Variants in MAP3K12 observed in about 807,000 individuals in gnomAD.
MAP3K12 encodes the protein MAPK-upstream kinase.
In MAP3K12, 14 loss-of-function variants were observed where a neutral mutation model predicts 87.5. The observed-to-expected ratio is 0.16, with a 90% confidence interval of 0.11 to 0.25. The LOEUF (loss-of-function observed/expected upper bound fraction) is 0.25. MAP3K12 is among the 10% of genes least tolerant of loss of function. The pLI, the probability that MAP3K12 is intolerant of heterozygous loss-of-function variation, is 1.00. For synonymous variants in MAP3K12, 469 were observed against 452.5 expected, an observed-to-expected ratio of 1.04 and a Z score of -0.46; for missense variants, 802 against 1,140.4, an observed-to-expected ratio of 0.70 and a Z score of 4.27.
rs777368317 is a variant in MAP3K12 at position 53,483,099 on chromosome 12, G to A, written c.1704C>T (p.Pro568=). ...VGLPGCPKGP[P]SPGRSRRGKT... is the part of the protein sequence containing the mutation. ...TGCCACGGCGACTCCGTCCTGGTGA[G>A]GGGGGGCCCTTAGGACACCCAGGAA... The change falls in exon 11 of 14, where the codon CCC becomes CCT. Residue 568 remains proline (P), a synonymous_variant. Transcript: ENST00000547488. 5.2e-6 allele frequency: 8 copies of A among 1,527,334 alleles called. No homozygotes were observed. The highest frequency in any genetic ancestry group is 4.5e-5 in the East Asian group (2 of 44,216). 94.6% of individuals were successfully genotyped at this position (1,527,334 alleles called of 1,614,324 possible). A position where few individuals can be genotyped will look rare whatever the true frequency, so the allele number is the denominator to read the frequency against.
At chr12:53,498,908 CTGTGTGTGTGTGTGTG>C (rs71068135) in intron 1 of MAP3K12, among the ~76,000 whole-genome samples, 27 of 108,396 alleles carry the variant, frequency 2.5e-4, no homozygotes, top group African/African-American at 7.1e-4. Flanking sequence ...GTCCAGCCTG[CTGTGTGTGTGTGTGTG>C]TGTGTGTGTG....
chr12:53,482,688 A>G lies in MAP3K12; in HGVS notation c.2115T>C (p.Gly705=), dbSNP rs1433652046. ...KGEPPPPVGP[G]EGVGLLGTGR... is the part of the protein sequence containing the mutation. ...CAGTTCCCAGAAGCCCCACACCTTC[A>G]CCAGGCCCTACTGGAGGAGGTGGTT... The change falls in exon 11 of 14, where the codon GGT becomes GGC. Residue 705 remains glycine (G), a synonymous_variant. Coordinates refer to ENST00000547488, the MANE Select transcript of MAP3K12 (RefSeq NM_001193511.2). The G allele has an allele frequency of 6.2e-7, 1 of 1,613,756 alleles. No individual in the cohort carries two copies. Among genetic ancestry groups the G allele is most frequent in the Non-Finnish European group, 8.5e-7 (1 of 1,179,932 alleles).
In MAP3K12 at chr12:53,491,625, G is replaced by A. The variant is rs894819217; in HGVS notation, c.-37-4197C>T. Among the ~76,000 whole-genome samples, 4 of 151,516 alleles carry A rather than the reference G, an allele frequency of 2.6e-5. No homozygotes were observed. The East Asian group carries it at 6.0e-4, about 23-fold the overall frequency. ...ATTTTTTCTGTGTTTAGTAGAGACCGGGTTTCACCGTGTTAGCCAGGATAG... is the reference window on the plus strand; with the variant it reads ...ATTTTTTCTGTGTTTAGTAGAGACCAGGTTTCACCGTGTTAGCCAGGATAG... On this transcript the variant is annotated intron_variant, in intron 1 of 13. Transcript: ENST00000547488.
At chr12:53,491,529 G>T (rs749848568) in intron 1 of MAP3K12, among the ~76,000 whole-genome samples, 9 of 149,982 alleles carry the variant, frequency 6.0e-5, no homozygotes, top group Non-Finnish European at 3.0e-5. Context: ...TGCCTTCCGG[G>T]TTCACACCAT....
chr12:53,486,742 G>T lies in MAP3K12; in HGVS notation c.446-120C>A. The T allele has an allele frequency of 6.9e-7, 1 of 1,453,408 alleles. No homozygotes were observed. The highest frequency in any genetic ancestry group is 1.4e-5 in the African/African-American group (1 of 70,142). 90.0% of individuals were successfully genotyped at this position (1,453,408 alleles called of 1,614,324 possible). A position where few individuals can be genotyped will look rare whatever the true frequency, so the allele number is the denominator to read the frequency against. On this transcript the variant is annotated intron_variant, in intron 2 of 13. Coordinates refer to ENST00000547488, the MANE Select transcript of MAP3K12 (RefSeq NM_001193511.2). This position sits in a 1 kb window ranked among gnomAD's most constrained non-coding sequence, Gnocchi z 4.9. Reference sequence around the variant, plus strand: ...AGGGTGAGGCAGAAAGCCAAAAATAGGCCAAGAAGAAGGTTCGAGGGGACA... The same window carrying T: ...AGGGTGAGGCAGAAAGCCAAAAATATGCCAAGAAGAAGGTTCGAGGGGACA...
At chr12:53,483,300 A>C in intron 10 of MAP3K12, 49 bp downstream of exon 10, 1 of 1,598,726 alleles carries the variant, frequency 6.3e-7, no homozygotes, top group Non-Finnish European at 8.5e-7. Flanking sequence ...ACCTGTTGCC[A>C]CTTCAGTATC....
At chr12:53,490,541 C>T (rs1476269921) in intron 1 of MAP3K12, among the ~76,000 whole-genome samples, 4 of 151,986 alleles carry the variant, frequency 2.6e-5, no homozygotes, top group East Asian at 1.9e-4. Flanking sequence ...GTCAGGAGAT[C>T]GAGACCATGC....
chr12:53,482,861 ACAG>A lies in MAP3K12; in HGVS notation c.1939_1941del (p.Leu647del). The A allele has an allele frequency of 3.7e-6, 6 of 1,612,872 alleles. No individual in the cohort carries two copies. The highest frequency in any genetic ancestry group is 5.1e-6 in the Non-Finnish European group (6 of 1,179,542). ...CGGCCCCGGGACCCTAGTGCTGCTG[ACAG>A]CAGGTCTGGGGACGATGAAGACATT... On this transcript the variant is annotated inframe_deletion, in exon 11 of 14. Transcript: ENST00000547488.
intron 1 of MAP3K12, chr12:53,487,777 A>G (rs1487411764): frequency 1.1e-5 from 2 of 188,834 alleles, no homozygotes; most frequent in Non-Finnish European, 2.2e-5. Flanking sequence ...TCCCTGTAAG[A>G]TGACTAATTC....
In MAP3K12 at chr12:53,485,105, C is replaced by T. The variant is rs1208561631; in HGVS notation, c.1090G>A (p.Val364Met). Reference protein sequence around the residue: ...GVGSNSLHLPVPSSCPDGFKI... With the variant: ...GVGSNSLHLPMPSSCPDGFKI... ...AAACCATCTGGGCAACTGGAGGGCA[C>T]GGGCAGATGGAGACTGTTGCTTCCC... Residue 364 changes from valine (V) to methionine (M), a missense_variant, in exon 6 of 14, where the codon GTG becomes ATG. By Grantham distance (21) the Val-to-Met change is conservative. Coordinates refer to ENST00000547488, the MANE Select transcript of MAP3K12 (RefSeq NM_001193511.2). 2 of 1,614,162 alleles carry T rather than the reference C, an allele frequency of 1.2e-6. No individual in the cohort carries two copies. The highest frequency in any genetic ancestry group is 1.7e-5 in the Admixed American group (1 of 60,008).
At position 53,480,857 on chromosome 12, in the gene MAP3K12, C is replaced by G. The variant is rs1032124981; in HGVS notation, c.*325G>C. On this transcript the variant is annotated 3_prime_UTR_variant, in exon 14 of 14. Transcript: ENST00000547488. ...CCCTCCCACCGCCCCTCCCCCCACC[C>G]CCTATTATTTGGGGATAAAGAATAT... 3 of 152,224 alleles carry G rather than the reference C, an allele frequency of 2.0e-5. No individual in the cohort carries two copies. The highest frequency in any genetic ancestry group is 7.3e-5 in the African/African-American group (3 of 41,356). The allele number at this position is 152,224 out of a possible 1,614,324, so 9.4% of individuals were successfully genotyped here. A position where few individuals can be genotyped will look rare whatever the true frequency, so the allele number is the denominator to read the frequency against.
chr12:53,501,102 C>G, upstream of MAP3K12: 1 of 445,346 alleles, frequency 2.2e-6, no homozygotes, highest in East Asian at 4.3e-5. Context: ...AGGAAGGAGG[C>G]GGGACGGTAT....
Position 53,484,273 on chromosome 12 carries a change from G to A in MAP3K12, c.1232C>T (p.Thr411Ile). The change falls in exon 7 of 14, where the codon ACT (threonine) becomes ATT (isoleucine). Residue 411 changes from threonine to isoleucine, a missense_variant. Physicochemically the swap from Thr to Ile is moderately conservative, Grantham distance 89 (BLOSUM62 -1). Transcript: ENST00000547488. The part of the protein sequence containing the change: ...SADVLSTPQE[T>I]YFKSQAEWRE... Reference sequence around the variant, plus strand: ...ACAGCACACCTGGGACTTAAAGTAAGTCTCCTGGGGTGTGGAGAGTACATC... The same window carrying A: ...ACAGCACACCTGGGACTTAAAGTAAATCTCCTGGGGTGTGGAGAGTACATC... 6.2e-7 allele frequency: 1 copy of A among 1,613,894 alleles called. No individual in the cohort carries two copies. The highest frequency in any genetic ancestry group is 8.5e-7 in the Non-Finnish European group (1 of 1,179,768).
intron 1 of MAP3K12, among the ~76,000 whole-genome samples, chr12:53,497,677 G>A (rs2137241141): frequency 6.6e-6 from 1 of 152,280 alleles, no homozygotes; most frequent in African/African-American, 2.4e-5. Flanking sequence ...TGGCGTGAGG[G>A]GCAGACATTT....
At chr12:53,493,318 G>T (rs1313996157) in intron 1 of MAP3K12, among the ~76,000 whole-genome samples, 1 of 152,146 alleles carries the variant, frequency 6.6e-6, no homozygotes. Context: ...CCACCCAGCG[G>T]TCTGCCCCAT....
intron 4 of MAP3K12, chr12:53,485,758 A>G (rs907381470): frequency 3.9e-6 from 2 of 509,918 alleles, no homozygotes; most frequent in Middle Eastern, 5.3e-4. Flanking sequence ...AGGTTTCACC[A>G]TGTTGGCCAG....
At position 53,483,913 on chromosome 12, in the gene MAP3K12, G is replaced by C; in HGVS notation, c.1356C>G (p.Leu452=). 6.2e-7 allele frequency: 1 copy of C among 1,614,088 alleles called. No homozygotes were observed. Among genetic ancestry groups the C allele is most frequent in the South Asian group, 1.1e-5 (1 of 91,082 alleles). The change falls in exon 8 of 14, where the codon CTC becomes CTG. Residue 452 remains leucine (L), a splice_region_variant and synonymous_variant. Coordinates refer to ENST00000547488, the MANE Select transcript of MAP3K12 (RefSeq NM_001193511.2). ...EELVMRRREE[L]RHALDIREHY... The stretch of plus-strand genomic sequence containing the variant: ...CCTCCCCAAGCACGGGAACTCACCT[G>C]AGCTCCTCCCTCCTCCTCATCACCA...
At chr12:53,481,461 T>C (rs901668356) in intron 13 of MAP3K12, 181 bp from the exon 14 acceptor site, 3 of 325,944 alleles carry the variant, frequency 9.2e-6, no homozygotes, top group South Asian at 5.7e-5. Flanking sequence ...GCAATTCTTC[T>C]GCCTCAGCCT....
At chr12:53,497,153 C>A (rs1471132466) in intron 1 of MAP3K12, among the ~76,000 whole-genome samples, 1 of 152,208 alleles carries the variant, frequency 6.6e-6, no homozygotes, top group African/African-American at 2.4e-5. Context: ...ATGATGATAA[C>A]ACTATCTCAC....
Sources: allele counts gnomAD v4.1 joint callset (sites outside exome capture counted in the v4.1 genomes callset), GRCh38; gene constraint gnomAD v4.1.1; non-coding constraint Gnocchi (gnomAD v3.1); transcripts MANE v1.5; gene names NCBI Gene and HGNC (gene_info 2026-07-23, HGNC 2026-07-21).